The following AKAP13 variants were observed in gnomAD, a reference collection of about 807,000 sequenced individuals.
AKAP13 encodes the protein A-kinase anchoring protein 13.
In AKAP13, 80 loss-of-function variants were observed where a neutral mutation model predicts 264.5. The observed-to-expected ratio is 0.30, with a 90% CI of 0.25 to 0.36. The LOEUF is 0.36. Among genes scored for constraint, AKAP13 ranks in the 10% least tolerant of loss-of-function variants. The pLI, the probability that AKAP13 is intolerant of heterozygous loss-of-function variation, is 1.00. For missense variants in AKAP13, 3,712 were observed against 3,435.2 expected (o/e 1.08, Z -2.01); for synonymous variants, 1,380 against 1,250.2 (o/e 1.10, Z -2.19).
In AKAP13 at chr15:85,515,308, C is replaced by G. The variant is rs1430460834; in HGVS notation, c.34-6120C>G. On this transcript the variant is annotated intron_variant, in intron 2 of 36. Transcript: ENST00000394518. Reference sequence around the variant, plus strand: ...CTATTTTCCAACTGTTGACATTTTGCCATATTTGCTTAATCATTCTGTCTC... The same window carrying G: ...CTATTTTCCAACTGTTGACATTTTGGCATATTTGCTTAATCATTCTGTCTC... Among the ~76,000 whole-genome samples the G allele has an allele frequency of 2.9e-5, 4 of 138,226 alleles. 2 individuals carry two copies. Among genetic ancestry groups the G allele is most frequent in the Non-Finnish European group, 6.2e-5 (4 of 64,542 alleles). The allele number at this position is 138,226 out of a possible 152,430, so 90.7% of individuals were successfully genotyped here.
intron 1 of AKAP13, among the ~76,000 whole-genome samples, chr15:85,448,897 T>A (rs2073991168): frequency 6.6e-6 from 1 of 151,296 alleles, no homozygotes; most frequent in Non-Finnish European, 1.5e-5. Flanking sequence ...TTTCCTCAGG[T>A]TCCATATAAT....
intron 10 of AKAP13, among the ~76,000 whole-genome samples, chr15:85,648,163 AT>A (rs1387235785): frequency 6.6e-6 from 1 of 152,260 alleles, no homozygotes; most frequent in Non-Finnish European, 1.5e-5. Flanking sequence ...AGATAAACAG[AT>A]TAGATAGTAT....
chr15:85,479,714 G>A (rs1292665005), intron 1 of AKAP13, among the ~76,000 whole-genome samples: 1 of 152,174 alleles, frequency 6.6e-6, no homozygotes, highest in Non-Finnish European at 1.5e-5. Flanking sequence ...AACAGGTACA[G>A]AAGGGTTTCC....
chr15:85,458,393 GT>G lies in AKAP13; in HGVS notation c.-11-27302del, dbSNP rs4037636. 2.1e-3 allele frequency among the ~76,000 whole-genome samples: 258 copies of G among 120,590 alleles called. 3 individuals are homozygous for G. The highest frequency in any genetic ancestry group is 6.4e-3 in the East Asian group (28 of 4,380). The allele number at this position is 120,590 out of a possible 152,430, so 79.1% of individuals were successfully genotyped here. ...TCTTTTTTTGTATTTTTTGTTTTTTGTTTTTTTTTTTTTTTACTATATATGT... is the reference window on the plus strand; with the variant it reads ...TCTTTTTTTGTATTTTTTGTTTTTTGTTTTTTTTTTTTTTACTATATATGT... On this transcript the variant is annotated intron_variant, in intron 1 of 36. Coordinates refer to ENST00000394518, the MANE Select transcript of AKAP13 (RefSeq NM_007200.5).
intron 9 of AKAP13, among the ~76,000 whole-genome samples, chr15:85,640,745 A>G (rs1348179226): frequency 2.0e-5 from 3 of 152,182 alleles, no homozygotes; most frequent in Non-Finnish European, 4.4e-5. Flanking sequence ...AAGTGTAATT[A>G]AAACCACCCA....
At position 85,580,769 on chromosome 15, in the gene AKAP13, A is replaced by G. The variant is rs1024143021; in HGVS notation, c.2701A>G (p.Thr901Ala). Residue 901 changes from threonine to alanine, a missense_variant, in exon 7 of 37, where the codon ACT becomes GCT. This residue lies in a region of AKAP13 where 2,759 missense variants were observed against 2,411.7 expected (regional missense o/e 1.14). Transcript: ENST00000394518. Reference protein sequence around the residue: ...DSSLQSVGKATLALDSVLTEE... With the variant: ...DSSLQSVGKAALALDSVLTEE... Reference sequence around the variant, plus strand: ...TTCCCTGCAAAGTGTGGGTAAGGCCACTTTGGCTTTAGATTCAGTTTTGAC... The same window carrying G: ...TTCCCTGCAAAGTGTGGGTAAGGCCGCTTTGGCTTTAGATTCAGTTTTGAC... 1 of 1,613,996 alleles carries G rather than the reference A, an allele frequency of 6.2e-7. No homozygotes were observed.
chr15:85,384,658 A>T (rs962928065), intron 1 of AKAP13, among the ~76,000 whole-genome samples: 1 of 151,622 alleles, frequency 6.6e-6, no homozygotes, highest in Non-Finnish European at 1.5e-5. Flanking sequence ...TGGAGGTTGC[A>T]ATGAGCCGAG....
intron 1 of AKAP13, among the ~76,000 whole-genome samples, chr15:85,463,216 A>G (rs1024207725): frequency 2.0e-5 from 3 of 152,112 alleles, no homozygotes; most frequent in African/African-American, 4.8e-5. Context: ...GGTCTATAAT[A>G]TGCATGTAAT....
chr15:85,454,046 G>T (rs1024755021), intron 1 of AKAP13, among the ~76,000 whole-genome samples: 2 of 152,232 alleles, frequency 1.3e-5, no homozygotes, highest in Admixed American at 1.3e-4. Context: ...GGGAGGTGCA[G>T]TGCCACTACT....
chr15:85,728,663 G>C (rs1303008739), intron 29 of AKAP13, among the ~76,000 whole-genome samples: 1 of 152,092 alleles, frequency 6.6e-6, no homozygotes, highest in Non-Finnish European at 1.5e-5. Flanking sequence ...TGGTGCATGA[G>C]CTACATCTGA....
chr15:85,447,087 T>C (rs12440441), intron 1 of AKAP13, among the ~76,000 whole-genome samples: 45,298 of 151,832 alleles, frequency 0.3, 9,796 homozygotes, highest in African/African-American at 0.6. Flanking sequence ...GCCAACATGA[T>C]GAAACTCCAT....
chr15:85,738,544 C>T (rs2088709229), intron 33 of AKAP13, among the ~76,000 whole-genome samples: 1 of 151,866 alleles, frequency 6.6e-6, no homozygotes, highest in African/African-American at 2.4e-5. Flanking sequence ...TAAACATAAT[C>T]CCACCACTGA....
chr15:85,679,763 T>C (rs1422598628), intron 14 of AKAP13, among the ~76,000 whole-genome samples: 3 of 152,236 alleles, frequency 2.0e-5, no homozygotes, highest in African/African-American at 7.2e-5. Flanking sequence ...AGTTGAAATA[T>C]ATTATTTACC....
chr15:85,579,150 A>T lies in AKAP13; in HGVS notation c.1082A>T (p.Glu361Val). ...ESPCDLSSIV[E>V]EENTDRSCRK... ...CCCTGTGATTTGTCAAGCATAGTTG[A>T]GGAGGAGAATACAGACCGTTCCTGT... The change falls in exon 7 of 37, where the codon GAG becomes GTG. Residue 361 changes from glutamate (E) to valine (V), a missense_variant. Physicochemically the swap from Glu to Val is moderately radical, Grantham distance 121 (BLOSUM62 -2). Transcript: ENST00000394518. The T allele has an allele frequency of 6.2e-7, 1 of 1,614,128 alleles. No individual in the cohort carries two copies. Among genetic ancestry groups the T allele is most frequent in the Non-Finnish European group, 8.5e-7 (1 of 1,180,032 alleles).
At chr15:85,652,749 C>G (rs1040402509) in intron 10 of AKAP13, among the ~76,000 whole-genome samples, 8 of 152,146 alleles carry the variant, frequency 5.3e-5, no homozygotes, top group Non-Finnish European at 1.2e-4. Context: ...CTCTTCTAGT[C>G]TCTGGTGCTT....
intron 2 of AKAP13, chr15:85,520,602 G>A (rs2076786794): frequency 1.9e-6 from 1 of 513,702 alleles, no homozygotes; most frequent in South Asian, 1.4e-5. Flanking sequence ...ATTTTTGTCT[G>A]ATTTTATGGG....
At chr15:85,627,315 A>G (rs900460567) in intron 8 of AKAP13, among the ~76,000 whole-genome samples, 2 of 152,068 alleles carry the variant, frequency 1.3e-5, no homozygotes, top group African/African-American at 4.8e-5. Context: ...ATTTCTGTTC[A>G]TTGTGGATCT....
At chr15:85,726,132 T>C (rs1477555760) in intron 26 of AKAP13, 1 of 297,872 alleles carries the variant, frequency 3.4e-6, no homozygotes, top group East Asian at 5.8e-5. Flanking sequence ...TCTTGTCTTA[T>C]GGGATATATC....
At chr15:85,527,985 G>A (rs903456285) in intron 3 of AKAP13, among the ~76,000 whole-genome samples, 1 of 152,114 alleles carries the variant, frequency 6.6e-6, no homozygotes, top group African/African-American at 2.4e-5. Flanking sequence ...ACACTTTTAG[G>A]GTTTCTTTTT....
Sources: gnomAD v4.1 joint callset for allele counts (sites outside exome capture counted in the v4.1 genomes callset) on GRCh38, gnomAD v4.1.1 for gene constraint, gnomAD v4.1.1 regional missense constraint, MANE v1.5 for transcripts, NCBI Gene and HGNC (gene_info 2026-07-23, HGNC 2026-07-21) for gene names.